RFX6: variants seen among roughly 807,000 people sequenced by gnomAD.
The protein encoded by RFX6 is regulatory factor X6, also known as DNA-binding protein RFX6.
In RFX6, 50 loss-of-function variants were observed where a neutral mutation model predicts 110.8. That is an observed-to-expected ratio of 0.45 (90% CI 0.36 to 0.57). RFX6 has a LOEUF of 0.57. RFX6 is among the 20% of genes least tolerant of loss of function. RFX6 has a pLI of 0.00. For synonymous variants in RFX6, 383 were observed against 411.2 expected (o/e 0.93, Z 0.83); for missense variants, 990 against 1,127.0 (o/e 0.88, Z 1.74).
At position 116,928,798 on chromosome 6, in the gene RFX6, G is replaced by C. The variant is rs142162854; in HGVS notation, c.2438G>C (p.Arg813Thr). ...AACATAAACTACCCAGAGTCTCACA[G>C]GCTCGGATCAATGGTGAATCAGCAC... ...GSNINYPESHRLGSMVNQHVS... is the reference protein window; with the variant it reads ...GSNINYPESHTLGSMVNQHVS... Residue 813 changes from arginine (R) to threonine (T), a missense_variant, in exon 18 of 19, where the codon AGG (arginine) becomes ACG (threonine). Arg to Thr is a moderately conservative substitution (Grantham distance 71). This residue lies in a region of RFX6 where 438 missense variants were observed against 441.9 expected (regional missense o/e 0.99). Coordinates refer to ENST00000332958, the MANE Select transcript of RFX6 (RefSeq NM_173560.4). 137 of 1,614,000 alleles carry C rather than the reference G, an allele frequency of 8.5e-5. 1 individual carries two copies. In the African/African-American group the frequency reaches 1.7e-3, roughly 21 times the overall value.
At chr6:116,901,014 C>T (rs979007691) in intron 6 of RFX6, among the ~76,000 whole-genome samples, 1 of 152,056 alleles carries the variant, frequency 6.6e-6, no homozygotes, top group Non-Finnish European at 1.5e-5. Context: ...TTCGAGTACC[C>T]ATACAACCAT....
intron 10 of RFX6, among the ~76,000 whole-genome samples, chr6:116,918,596 T>G (rs982410557): frequency 5.7e-5 from 5 of 87,968 alleles, no homozygotes; most frequent in Non-Finnish European, 1.4e-4. Flanking sequence ...AACAATAGAA[T>G]TCTGAAAAAA....
At position 116,927,318 on chromosome 6, in the gene RFX6, G is replaced by A. The variant is rs377167820; in HGVS notation, c.2177G>A (p.Arg726Gln). 70 of 1,614,038 alleles carry A rather than the reference G, an allele frequency of 4.3e-5. No individual in the cohort carries two copies. Among genetic ancestry groups the A allele is most frequent in the East Asian group, 2.2e-5 (1 of 44,902 alleles). Residue 726 changes from arginine to glutamine, a missense_variant, in exon 17 of 19, where the codon CGA becomes CAA. This residue lies in a region of RFX6 where 438 missense variants were observed against 441.9 expected (regional missense o/e 0.99). Coordinates refer to ENST00000332958, the MANE Select transcript of RFX6 (RefSeq NM_173560.4). ...TATCCTCATCACACCGAGCATGGTC[G>A]ATGCATGGCTTGGACTGAACAGCAG... ...GLYPHHTEHG[R>Q]CMAWTEQQLS...
chr6:116,877,458 G>C lies in RFX6; in HGVS notation c.183G>C (p.Glu61Asp). The C allele has an allele frequency of 6.4e-7, 1 of 1,571,520 alleles. No individual in the cohort carries two copies. Among genetic ancestry groups the C allele is most frequent in the Non-Finnish European group, 8.6e-7 (1 of 1,157,600 alleles). The change falls in exon 1 of 19, where the codon GAG (glutamate) becomes GAC (aspartate). Residue 61 changes from glutamate to aspartate, a missense_variant. Physicochemically the swap from Glu to Asp is conservative, Grantham distance 45 (BLOSUM62 2). This residue lies in a region of RFX6 where 175 missense variants were observed against 162.3 expected (regional missense o/e 1.08). Transcript: ENST00000332958. ...CCGGGGGCGAGCAGGGCGGCGGGGA[G>C]AAAGGCGAAGACCCGGAGCTGCCGG... The part of the protein sequence containing the change: ...GQPGGEQGGG[E>D]KGEDPELPGA...
chr6:116,919,167 A>C lies in RFX6; in HGVS notation c.1053A>C (p.Lys351Asn). 6.2e-7 allele frequency: 1 copy of C among 1,613,634 alleles called. No homozygotes were observed. Among genetic ancestry groups the C allele is most frequent in the Non-Finnish European group, 8.5e-7 (1 of 1,179,644 alleles). ...SLLADIRNFA[K>N]NWEQWVVSSL... ...TAGCAGACATAAGAAATTTTGCTAA[A>C]AATTGGGAACAGTGGGTTGTTTCAT... The change falls in exon 11 of 19, where the codon AAA (lysine) becomes AAC (asparagine). Residue 351 changes from lysine (K) to asparagine (N), a missense_variant. Transcript: ENST00000332958.
At chr6:116,912,607 G>C (rs1444216157) in intron 7 of RFX6, among the ~76,000 whole-genome samples, 3 of 152,188 alleles carry the variant, frequency 2.0e-5, no homozygotes, top group Non-Finnish European at 4.4e-5. Context: ...TCAGTCTTCT[G>C]AGGGAGGGTA....
chr6:116,900,881 T>A (rs2114678777), intron 6 of RFX6, among the ~76,000 whole-genome samples: 1 of 152,270 alleles, frequency 6.6e-6, no homozygotes, highest in African/African-American at 2.4e-5. Context: ...ATGTGAAATA[T>A]GTAAAGCATA....
intron 11 of RFX6, 116 bp from the exon 12 acceptor site, chr6:116,920,194 A>C: frequency 1.2e-6 from 1 of 856,084 alleles, no homozygotes; most frequent in Non-Finnish European, 2.0e-6. Context: ...TAAAATAAGA[A>C]AAAAGTTATT....
At chr6:116,899,826 A>G (rs1315306441) in intron 6 of RFX6, among the ~76,000 whole-genome samples, 1 of 152,216 alleles carries the variant, frequency 6.6e-6, no homozygotes, top group East Asian at 1.9e-4. Context: ...AAACACACAC[A>G]TTGGAAACTT....
At chr6:116,924,307 T>C (rs1295798130) in intron 14 of RFX6, among the ~76,000 whole-genome samples, 1 of 152,134 alleles carries the variant, frequency 6.6e-6, no homozygotes, top group Admixed American at 6.5e-5. Context: ...TAGAGCAGAG[T>C]AGAGCTCATT....
chr6:116,896,321 G>A (rs1359390856), intron 6 of RFX6, among the ~76,000 whole-genome samples: 1 of 152,078 alleles, frequency 6.6e-6, no homozygotes, highest in Non-Finnish European at 1.5e-5. Flanking sequence ...TGTAGATTTT[G>A]TTACTAAAAT....
At chr6:116,916,172 T>C in intron 8 of RFX6, 29 bp from the exon 9 acceptor site, 1 of 1,584,238 alleles carries the variant, frequency 6.3e-7, no homozygotes, top group Non-Finnish European at 8.7e-7. Context: ...AAGAAAAAAA[T>C]CTTAACATAC....
At position 116,927,119 on chromosome 6, in the gene RFX6, C is replaced by A; in HGVS notation, c.1978C>A (p.Pro660Thr). Residue 660 changes from proline to threonine, a missense_variant, in exon 17 of 19, where the codon CCA (proline) becomes ACA (threonine). Pro to Thr is a conservative substitution (Grantham distance 38). Around this residue, in one of 5 missense-constraint regions of RFX6, gnomAD observed 438 missense variants for 441.9 expected, o/e 0.99. Coordinates refer to ENST00000332958, the MANE Select transcript of RFX6 (RefSeq NM_173560.4). Reference protein sequence around the residue: ...ASRGSVINQGPMAGRPPSVGP... With the variant: ...ASRGSVINQGTMAGRPPSVGP... Reference sequence around the variant, plus strand: ...CCGAGGAAGTGTCATTAACCAAGGACCAATGGCAGGGAGGCCCCCAAGTGT... The same window carrying A: ...CCGAGGAAGTGTCATTAACCAAGGAACAATGGCAGGGAGGCCCCCAAGTGT... The A allele has an allele frequency of 6.2e-7, 1 of 1,614,132 alleles. No individual in the cohort carries two copies. The highest frequency in any genetic ancestry group is 8.5e-7 in the Non-Finnish European group (1 of 1,179,988).
intron 6 of RFX6, among the ~76,000 whole-genome samples, chr6:116,903,087 A>C (rs571346438): frequency 3.3e-5 from 5 of 152,124 alleles, no homozygotes; most frequent in African/African-American, 1.2e-4. Context: ...TTTTAGTACG[A>C]TTGTAATAGC....
chr6:116,918,126 G>T, intron 10 of RFX6, 40 bp downstream of exon 10: 1 of 1,384,022 alleles, frequency 7.2e-7, no homozygotes, highest in South Asian at 1.2e-5. Flanking sequence ...CCTAGTATAG[G>T]ATTTAACTTT....
chr6:116,928,411 C>T (rs675784), intron 17 of RFX6, among the ~76,000 whole-genome samples: 36,849 of 151,780 alleles, frequency 0.24, 4,821 homozygotes, highest in South Asian at 0.42. Flanking sequence ...TGCTTTTTTT[C>T]CTTCAAAGGT....
chr6:116,920,046 C>T (rs1775558123), intron 11 of RFX6, among the ~76,000 whole-genome samples: 2 of 152,244 alleles, frequency 1.3e-5, no homozygotes, highest in Non-Finnish European at 2.9e-5. Flanking sequence ...GCACATCGTG[C>T]AGGTTTGTTA....
chr6:116,919,252 G>T lies in RFX6; in HGVS notation c.1138G>T (p.Val380Leu). Reference protein sequence around the residue: ...DKKIPIVRRFVSSLKRQTSFL... With the variant: ...DKKIPIVRRFLSSLKRQTSFL... ...GAAAATACCTATTGTGCGAAGATTT[G>T]TATCTTCTCTGAAACGACAAACATC... The change falls in exon 11 of 19, where the codon GTA becomes TTA. Residue 380 changes from valine to leucine, a missense_variant. Coordinates refer to ENST00000332958, the MANE Select transcript of RFX6 (RefSeq NM_173560.4). The T allele has an allele frequency of 6.2e-7, 1 of 1,613,358 alleles. No homozygotes were observed. Among genetic ancestry groups the T allele is most frequent in the Non-Finnish European group, 8.5e-7 (1 of 1,179,422 alleles).
Position 116,892,884 on chromosome 6 carries a change from T to C in RFX6, c.567-1103T>C, listed in dbSNP as rs146646770. The stretch of plus-strand genomic sequence containing the variant: ...GTGGAACTTCTTGGCCAAGTAGTTC[T>C]TTATTGCTGAGGCCAGAGATAGGGC... On this transcript the variant is annotated intron_variant, in intron 4 of 18. Transcript: ENST00000332958. Among the ~76,000 whole-genome samples, 1,126 of 152,250 alleles carry C rather than the reference T, an allele frequency of 7.4e-3. 6 individuals are homozygous for C. The highest frequency in any genetic ancestry group is 0.013 in the Non-Finnish European group (867 of 68,008).
Sources: gnomAD v4.1 joint callset for allele counts (sites outside exome capture counted in the v4.1 genomes callset) on GRCh38, gnomAD v4.1.1 for gene constraint, gnomAD v4.1.1 regional missense constraint, MANE v1.5 for transcripts, NCBI Gene and HGNC (gene_info 2026-07-23, HGNC 2026-07-21) for gene names.